AGPAT4: variants seen among roughly 807,000 people sequenced by gnomAD.
AGPAT4 encodes the protein 1-acylglycerol-3-phosphate O-acyltransferase 4.
A neutral mutation model predicts 48.0 loss-of-function variants in AGPAT4; 15 were observed. The observed-to-expected ratio is 0.31, with a 90% CI of 0.21 to 0.48. The LOEUF (loss-of-function observed/expected upper bound fraction) is 0.48, where lower values mean the gene tolerates loss of function less well. AGPAT4 is among the 20% of genes least tolerant of loss of function. The probability of loss-of-function intolerance (pLI) is 0.99; values close to 1 mark genes in which losing one functional copy is unlikely to be tolerated. For synonymous variants in AGPAT4, 178 were observed against 198.7 expected, an observed-to-expected ratio of 0.90 and a Z score of 0.88; for missense variants, 314 against 482.5, an observed-to-expected ratio of 0.65 and a Z score of 3.27.
Position 161,254,918 on chromosome 6 carries a change from C to T in AGPAT4, c.-90+19020G>A, listed in dbSNP as rs6911180. ...AGGCTGGAGAGCTCCAGAAATCCAG[C>T]GCCTGGGCTCACAAAAGCCAGCCCT... On this transcript the variant is annotated intron_variant, in intron 1 of 8. Coordinates refer to ENST00000320285, the MANE Select transcript of AGPAT4 (RefSeq NM_020133.3). The surrounding 1 kb of genome is among the most constrained non-coding windows in gnomAD (Gnocchi z 5.9). Among the ~76,000 whole-genome samples, 87,688 of 152,054 alleles carry T rather than the reference C, an allele frequency of 0.58. 25,924 individuals are homozygous for T. Among genetic ancestry groups the T allele is most frequent in the African/African-American group, 0.71 (29,283 of 41,476 alleles).
chr6:161,139,510 C>T lies in AGPAT4; in HGVS notation c.954G>A (p.Val318=). Residue 318 remains valine (V), a synonymous_variant, in exon 8 of 9, where the codon GTG becomes GTA. Transcript: ENST00000320285. This position sits in a 1 kb window ranked among gnomAD's most constrained non-coding sequence, Gnocchi z 9.1. ...LVNWLFWASL[V]LYPFFQFLVS... Reference sequence around the variant, plus strand: ...CCAGGAACTGGAAGAAAGGGTAGAGCACCAGCGAGGCCCAAAACAGCCAGT... The same window carrying T: ...CCAGGAACTGGAAGAAAGGGTAGAGTACCAGCGAGGCCCAAAACAGCCAGT... The T allele has an allele frequency of 1.2e-6, 2 of 1,614,108 alleles. No individual in the cohort carries two copies. Among genetic ancestry groups the T allele is most frequent in the East Asian group, 2.2e-5 (1 of 44,866 alleles).
rs1344281087 is a variant in AGPAT4, at chr6:161,134,343, CTA to C, written c.*2195_*2196del. The C allele has an allele frequency of 3.3e-5, 5 of 152,202 alleles. No individual in the cohort carries two copies. Among genetic ancestry groups the C allele is most frequent in the Admixed American group, 6.5e-5 (1 of 15,288 alleles). The allele number at this position is 152,202 out of a possible 1,614,324, so 9.4% of individuals were successfully genotyped here. On this transcript the variant is annotated 3_prime_UTR_variant, in exon 9 of 9. Transcript: ENST00000320285. ...ATTGAATGTCTGTGGGCCCCCGGATCTATGTTTTTAGAACTTACTTAGATTAC... is the reference window on the plus strand; with the variant it reads ...ATTGAATGTCTGTGGGCCCCCGGATCTGTTTTTAGAACTTACTTAGATTAC...
In AGPAT4 at chr6:161,226,808, G is replaced by A. The variant is rs1322082950; in HGVS notation, c.178+5228C>T. Among the ~76,000 whole-genome samples, 19 of 152,142 alleles carry A rather than the reference G, an allele frequency of 1.2e-4. No homozygotes were observed. Among genetic ancestry groups the A allele is most frequent in the Admixed American group, 1.2e-3 (19 of 15,276 alleles). ...TGCTGCCGGGCAGGAGGGTCTGCAG[G>A]CAGAAGGAGTTTCCCCAGCCCAGCA... On this transcript the variant is annotated intron_variant, in intron 2 of 8. Coordinates refer to ENST00000320285, the MANE Select transcript of AGPAT4 (RefSeq NM_020133.3). This position sits in a 1 kb window ranked among gnomAD's most constrained non-coding sequence, Gnocchi z 6.3.
At chr6:161,181,804 C>T (rs1780603413) in intron 2 of AGPAT4, among the ~76,000 whole-genome samples, 1 of 152,078 alleles carries the variant, frequency 6.6e-6, no homozygotes, top group East Asian at 1.9e-4. Context: ...AGCCGAGGGT[C>T]CAAGAAGGCC....
chr6:161,186,693 C>T (rs1316893967), intron 2 of AGPAT4, among the ~76,000 whole-genome samples: 3 of 152,102 alleles, frequency 2.0e-5, no homozygotes, highest in Admixed American at 1.3e-4. Context: ...CCCAGCAAGC[C>T]CCAACTCCAG....
intron 2 of AGPAT4, among the ~76,000 whole-genome samples, chr6:161,227,836 A>G (rs1490248105): frequency 6.6e-6 from 1 of 152,206 alleles, no homozygotes; most frequent in Non-Finnish European, 1.5e-5. Flanking sequence ...AGCGTTACAC[A>G]AATACAGCGG....
rs1446908340 is a variant in AGPAT4, at chr6:161,204,689, A to G, written c.178+27347T>C. 2.0e-5 allele frequency among the ~76,000 whole-genome samples: 3 copies of G among 152,232 alleles called. No individual in the cohort carries two copies. The highest frequency in any genetic ancestry group is 2.1e-4 in the South Asian group (1 of 4,818). ...TTTGTCATCAGCAGCTGTTAAAAAA[A>G]AATGTTCCCTAAATTCACAGAATAT... On this transcript the variant is annotated intron_variant, in intron 2 of 8. Transcript: ENST00000320285. This position sits in a 1 kb window ranked among gnomAD's most constrained non-coding sequence, Gnocchi z 4.4.
chr6:161,211,629 TA>T (rs1056329339), intron 2 of AGPAT4, among the ~76,000 whole-genome samples: 1 of 151,918 alleles, frequency 6.6e-6, no homozygotes, highest in African/African-American at 2.4e-5. Flanking sequence ...AAGAGATTTT[TA>T]AAAAAAACGT....
At chr6:161,168,108 G>A (rs1351066789) in intron 2 of AGPAT4, among the ~76,000 whole-genome samples, 3 of 152,086 alleles carry the variant, frequency 2.0e-5, no homozygotes, top group African/African-American at 7.3e-5. Context: ...AGTTGGTTGT[G>A]GGGGCAGGAA....
rs3839453 is a variant in AGPAT4 at position 161,219,946 on chromosome 6, G to GCAGACAGACAGACAGACAGA, written c.178+12070_178+12089dup. On this transcript the variant is annotated intron_variant, in intron 2 of 8. Transcript: ENST00000320285. This position sits in a 1 kb window ranked among gnomAD's most constrained non-coding sequence, Gnocchi z 4.9. ...GGCAGGCAGGCAGGCAGGCAGGCAGGCAGACAGACAGACAGACAGACAGGC... is the reference window on the plus strand; with the variant it reads ...GGCAGGCAGGCAGGCAGGCAGGCAGGCAGACAGACAGACAGACAGACAGACAGACAGACAGACAGACAGGC... 1.4e-5 allele frequency among the ~76,000 whole-genome samples: 2 copies of GCAGACAGACAGACAGACAGA among 143,764 alleles called. No individual in the cohort carries two copies. The allele number at this position is 143,764 out of a possible 152,430, so 94.3% of individuals were successfully genotyped here. A position where few individuals can be genotyped will look rare whatever the true frequency, so the allele number is the denominator to read the frequency against.
chr6:161,181,196 C>T (rs868648480), intron 2 of AGPAT4, among the ~76,000 whole-genome samples: 18 of 152,196 alleles, frequency 1.2e-4, no homozygotes, highest in South Asian at 2.1e-4. Flanking sequence ...GCCCCAGCAA[C>T]GCTGTGAAGG....
rs1562342117 is a variant in AGPAT4, at chr6:161,216,793, T to C, written c.178+15243A>G. Among the ~76,000 whole-genome samples the C allele has an allele frequency of 6.6e-6, 1 of 152,122 alleles. No individual in the cohort carries two copies. The highest frequency in any genetic ancestry group is 1.5e-5 in the Non-Finnish European group (1 of 68,032). ...TAAACCCATCAGATCTCGTGAGACTTACTATCACGAGACTAGCACGAGAAA... is the reference window on the plus strand; with the variant it reads ...TAAACCCATCAGATCTCGTGAGACTCACTATCACGAGACTAGCACGAGAAA... On this transcript the variant is annotated intron_variant, in intron 2 of 8. Coordinates refer to ENST00000320285, the MANE Select transcript of AGPAT4 (RefSeq NM_020133.3). This position sits in a 1 kb window ranked among gnomAD's most constrained non-coding sequence, Gnocchi z 4.8.
rs1367129654 is a variant in AGPAT4, at chr6:161,219,868, T to G, written c.178+12168A>C. 9.1e-6 allele frequency among the ~76,000 whole-genome samples: 1 copy of G among 109,762 alleles called. No homozygotes were observed. The highest frequency in any genetic ancestry group is 1.9e-5 in the Non-Finnish European group (1 of 52,360). The allele number at this position is 109,762 out of a possible 152,430, so 72.0% of individuals were successfully genotyped here. ...ATAGATAGATAGATAGATAGATAGA[T>G]AGATAGGCAGGCAGGCAGGCAGGCA... is the stretch of plus-strand genomic sequence containing the variant. On this transcript the variant is annotated intron_variant, in intron 2 of 8. Coordinates refer to ENST00000320285, the MANE Select transcript of AGPAT4 (RefSeq NM_020133.3). This position sits in a 1 kb window ranked among gnomAD's most constrained non-coding sequence, Gnocchi z 4.9.
In AGPAT4 at chr6:161,140,064, G is replaced by A. The variant is rs557085309; in HGVS notation, c.844-444C>T. ...GGGACACTCGGTGGAGACCTGGCCC[G>A]CAGTCAGGAGGAGCTCGCCCAGCCC... is the stretch of plus-strand genomic sequence containing the variant. On this transcript the variant is annotated intron_variant, in intron 7 of 8. Coordinates refer to ENST00000320285, the MANE Select transcript of AGPAT4 (RefSeq NM_020133.3). This position sits in a 1 kb window ranked among gnomAD's most constrained non-coding sequence, Gnocchi z 6.5. Among the ~76,000 whole-genome samples the A allele has an allele frequency of 3.3e-5, 5 of 152,184 alleles. No homozygotes were observed. Among genetic ancestry groups the A allele is most frequent in the East Asian group, 1.9e-4 (1 of 5,182 alleles).
intron 2 of AGPAT4, among the ~76,000 whole-genome samples, chr6:161,173,108 G>A (rs1474103390): frequency 6.6e-6 from 1 of 152,184 alleles, no homozygotes; most frequent in Non-Finnish European, 1.5e-5. Flanking sequence ...AAACATATGT[G>A]TACATGTGTC....
At chr6:161,153,624 C>T in intron 4 of AGPAT4, 125 bp from the exon 5 acceptor site, 1 of 1,168,862 alleles carries the variant, frequency 8.6e-7, no homozygotes, top group East Asian at 2.6e-5. Flanking sequence ...CACAGGGCCC[C>T]ATGGTTACAT....
At position 161,240,217 on chromosome 6, in the gene AGPAT4, T is replaced by C. The variant is rs1293144684; in HGVS notation, c.-89-7915A>G. Among the ~76,000 whole-genome samples the C allele has an allele frequency of 7.4e-6, 1 of 134,592 alleles. No individual in the cohort carries two copies. The highest frequency in any genetic ancestry group is 1.6e-5 in the Non-Finnish European group (1 of 64,260). The allele number at this position is 134,592 out of a possible 152,430, so 88.3% of individuals were successfully genotyped here. ...AAAACACTAACAGCAGATATCTTTG[T>C]GTATACACACACACACACACACACA... On this transcript the variant is annotated intron_variant, in intron 1 of 8. Coordinates refer to ENST00000320285, the MANE Select transcript of AGPAT4 (RefSeq NM_020133.3). The surrounding 1 kb of genome is among the most constrained non-coding windows in gnomAD (Gnocchi z 5.5).
intron 2 of AGPAT4, among the ~76,000 whole-genome samples, chr6:161,179,986 GA>G (rs1467685902): frequency 6.6e-6 from 1 of 152,116 alleles, no homozygotes; most frequent in Non-Finnish European, 1.5e-5. Flanking sequence ...AGAAAGACAG[GA>G]AAGAAATTAA....
chr6:161,224,640 C>CAA (rs71543000), intron 2 of AGPAT4, among the ~76,000 whole-genome samples: 16,387 of 78,330 alleles, frequency 0.21, 1,435 homozygotes, highest in Non-Finnish European at 0.24. Flanking sequence ...GACTCCTTCT[C>CAA]AAAAAAAAAA....
Sources: gnomAD v4.1 joint callset for allele counts (sites outside exome capture counted in the v4.1 genomes callset) on GRCh38, gnomAD v4.1.1 for gene constraint, Gnocchi (gnomAD v3.1) non-coding constraint, MANE v1.5 for transcripts, NCBI Gene and HGNC (gene_info 2026-07-23, HGNC 2026-07-21) for gene names.